The following DNAH5 variants were observed in gnomAD, a reference collection of about 807,000 sequenced individuals.
DNAH5 encodes dynein axonemal heavy chain 5.
Under a neutral mutation model 518.2 loss-of-function variants are expected in DNAH5, and 372 were observed. The ratio of observed to expected loss-of-function variants is 0.72; its 90% CI spans 0.66 to 0.78. DNAH5 has a LOEUF of 0.78. DNAH5 is among the 30% of genes least tolerant of loss of function. The probability of loss-of-function intolerance (pLI) is 0.00; values close to 1 mark genes in which losing one functional copy is unlikely to be tolerated. For missense variants in DNAH5, 5,523 were observed against 5,687.0 expected, an observed-to-expected ratio of 0.97 and a Z score of 0.93; for synonymous variants, 2,039 against 2,025.9, an observed-to-expected ratio of 1.01 and a Z score of -0.17.
At chr5:14,010,321 A>G (rs1430770064) in intron 1 of DNAH5, among the ~76,000 whole-genome samples, 2 of 152,206 alleles carry the variant, frequency 1.3e-5, no homozygotes, top group Non-Finnish European at 2.9e-5. Flanking sequence ...CGAACAGACC[A>G]AGAGAAAATT....
At chr5:13,752,876 C>T (rs1750435490) in intron 63 of DNAH5, among the ~76,000 whole-genome samples, 1 of 152,148 alleles carries the variant, frequency 6.6e-6, no homozygotes, top group African/African-American at 2.4e-5. Flanking sequence ...TTTTTCTTCA[C>T]CACTACCACT....
At position 13,754,584 on chromosome 5, in the gene DNAH5, G is replaced by A. The variant is rs1161990500; in HGVS notation, c.10420-246C>T. On this transcript the variant is annotated intron_variant, in intron 61 of 78. Transcript: ENST00000265104. ...ATAGAGTTTCGCTCTTGTTACCCAG[G>A]CTGCAGTGCAATGGCATGACCTTAG... is the stretch of plus-strand genomic sequence containing the variant. Among the ~76,000 whole-genome samples the A allele has an allele frequency of 2.0e-5, 3 of 152,022 alleles. No homozygotes were observed. The East Asian group carries it at 5.8e-4, about 30-fold the overall frequency.
intron 56 of DNAH5, 101 bp from the exon 57 acceptor site, chr5:13,769,716 G>A: frequency 9.7e-7 from 1 of 1,035,150 alleles, no homozygotes; most frequent in Non-Finnish European, 1.5e-6. Flanking sequence ...TATATCTGAA[G>A]ATTGCATGTA....
intron 78 of DNAH5, among the ~76,000 whole-genome samples, chr5:13,697,887 T>C (rs890785307): frequency 2.0e-5 from 3 of 152,192 alleles, no homozygotes; most frequent in South Asian, 2.1e-4. Flanking sequence ...TATCTTACAC[T>C]CAAACCATGT....
chr5:13,991,493 G>T (rs1258229473), intron 1 of DNAH5, among the ~76,000 whole-genome samples: 1 of 149,244 alleles, frequency 6.7e-6, no homozygotes, highest in Non-Finnish European at 1.5e-5. Flanking sequence ...GGAAGGAGGA[G>T]GAGGAACAGA....
At position 13,735,883 on chromosome 5, in the gene DNAH5, C is replaced by A; in HGVS notation, c.11505G>T (p.Leu3835Phe). Residue 3835 changes from leucine to phenylalanine, a missense_variant, in exon 67 of 79, where the codon TTG (leucine) becomes TTT (phenylalanine). Coordinates refer to ENST00000265104, the MANE Select transcript of DNAH5 (RefSeq NM_001369.3). ...GCGAAGTCTGATACATCTCATTAAC[C>A]AAGCGCATCTCAGTAATGAGGAAGT... Reference protein sequence around the residue: ...ILYFLITEMRLVNEMYQTSLR... With the variant: ...ILYFLITEMRFVNEMYQTSLR... 6.2e-7 allele frequency: 1 copy of A among 1,614,112 alleles called. No homozygotes were observed. The highest frequency in any genetic ancestry group is 8.5e-7 in the Non-Finnish European group (1 of 1,179,988).
intron 35 of DNAH5, among the ~76,000 whole-genome samples, chr5:13,831,718 G>A (rs539179958): frequency 3.9e-5 from 6 of 152,294 alleles, no homozygotes; most frequent in South Asian, 2.1e-4. Context: ...TCAGGAGAAT[G>A]CCTGCTCTCA....
At chr5:13,968,124 A>G (rs1838699) in intron 1 of DNAH5, among the ~76,000 whole-genome samples, 131,712 of 152,152 alleles carry the variant, frequency 0.87, 57,095 homozygotes, top group East Asian at 0.99. Context: ...TTTGATTCTC[A>G]GCTTGGTCAC....
rs77435928 is a variant in DNAH5 at position 13,959,613 on chromosome 5, G to A, written c.13-28369C>T. Among the ~76,000 whole-genome samples, 1,078 of 152,292 alleles carry A rather than the reference G, an allele frequency of 7.1e-3. 89 individuals are homozygous for A. The East Asian group carries it at 0.18, about 26-fold the overall frequency. On this transcript the variant is annotated intron_variant, in intron 1 of 78. Coordinates refer to the DNAH5 transcript ENST00000681290. ...GGGACCTGGAGGTGGTTTTACCCCCGTGGGTCTCCCTCTTCATTCCTTACC... is the reference window on the plus strand; with the variant it reads ...GGGACCTGGAGGTGGTTTTACCCCCATGGGTCTCCCTCTTCATTCCTTACC...
intron 1 of DNAH5, among the ~76,000 whole-genome samples, chr5:14,007,773 T>C (rs1448032075): frequency 6.6e-6 from 1 of 152,152 alleles, no homozygotes; most frequent in Non-Finnish European, 1.5e-5. Context: ...TTCATCTCAT[T>C]TGGTCCTCAC....
At chr5:13,816,016 G>T (rs1270347311) in intron 42 of DNAH5, among the ~76,000 whole-genome samples, 2 of 152,172 alleles carry the variant, frequency 1.3e-5, no homozygotes, top group African/African-American at 2.4e-5. Context: ...GGAAGCAGAA[G>T]TGGAAAAAGA....
intron 68 of DNAH5, among the ~76,000 whole-genome samples, chr5:13,731,346 G>T (rs1746518994): frequency 6.6e-6 from 1 of 152,198 alleles, no homozygotes; most frequent in Admixed American, 6.5e-5. Context: ...CCAACAAATT[G>T]AAAAGAGTAA....
At chr5:13,981,036 C>A (rs1180571304) in intron 1 of DNAH5, among the ~76,000 whole-genome samples, 3 of 152,200 alleles carry the variant, frequency 2.0e-5, no homozygotes, top group Admixed American at 6.5e-5. Context: ...AAGTAGCAAG[C>A]CCTGACTCCC....
intron 75 of DNAH5, among the ~76,000 whole-genome samples, chr5:13,710,381 T>C (rs1057085537): frequency 6.6e-6 from 1 of 151,992 alleles, no homozygotes; most frequent in African/African-American, 2.4e-5. Flanking sequence ...GAAAACCAAC[T>C]CTGGTAATAT....
At chr5:13,906,508 G>C (rs879761843) in intron 12 of DNAH5, among the ~76,000 whole-genome samples, 2 of 152,074 alleles carry the variant, frequency 1.3e-5, no homozygotes, top group Non-Finnish European at 2.9e-5. Flanking sequence ...GACATCAAAA[G>C]ACCCCAAATC....
intron 3 of DNAH5, among the ~76,000 whole-genome samples, chr5:13,926,476 C>A (rs1777883677): frequency 6.6e-6 from 1 of 152,190 alleles, no homozygotes; most frequent in Non-Finnish European, 1.5e-5. Context: ...GGGAGAAAAG[C>A]ACATGGTCCT....
chr5:13,957,303 C>A (rs561337785), intron 1 of DNAH5, among the ~76,000 whole-genome samples: 1 of 152,258 alleles, frequency 6.6e-6, no homozygotes, highest in South Asian at 2.1e-4. Context: ...TAACCATTAG[C>A]TTGAAGAGCT....
chr5:13,841,202 T>C, intron 33 of DNAH5, 72 bp from the exon 34 acceptor site: 1 of 1,200,068 alleles, frequency 8.3e-7, no homozygotes, highest in Non-Finnish European at 1.2e-6. Flanking sequence ...TACAATGTGA[T>C]CAACAGCTGT....
intron 1 of DNAH5, among the ~76,000 whole-genome samples, chr5:13,951,582 A>G (rs1780418362): frequency 6.6e-6 from 1 of 151,992 alleles, no homozygotes; most frequent in African/African-American, 2.4e-5. Context: ...AGGAAAATAT[A>G]TTTCATTTCA....
Sources: gnomAD v4.1 joint callset for allele counts (sites outside exome capture counted in the v4.1 genomes callset) on GRCh38, gnomAD v4.1.1 for gene constraint, MANE v1.5 for transcripts, NCBI Gene and HGNC (gene_info 2026-07-23, HGNC 2026-07-21) for gene names.